ARHGEF7: variants seen among roughly 807,000 people sequenced by gnomAD.
ARHGEF7 encodes the protein PAK-interacting exchange factor beta.
A neutral mutation model predicts 109.8 loss-of-function variants in ARHGEF7; 33 were observed. That is an observed-to-expected ratio of 0.30 (90% CI 0.23 to 0.40). The LOEUF (loss-of-function observed/expected upper bound fraction) is 0.40, where lower values mean the gene tolerates loss of function less well. Among genes scored for constraint, ARHGEF7 ranks in the 10% least tolerant of loss-of-function variants. The probability of loss-of-function intolerance (pLI) is 1.00; values close to 1 mark genes in which losing one functional copy is unlikely to be tolerated. For missense variants in ARHGEF7, 938 were observed against 1,098.5 expected, an observed-to-expected ratio of 0.85 and a Z score of 2.07; for synonymous variants, 458 against 424.6, an observed-to-expected ratio of 1.08 and a Z score of -0.97.
chr13:111,291,354 T>G (rs1308019713), intron 18 of ARHGEF7, among the ~76,000 whole-genome samples: 1 of 152,278 alleles, frequency 6.6e-6, no homozygotes, highest in African/African-American at 2.4e-5. Flanking sequence ...ACGTTGCCAG[T>G]TCATGTCTCT....
rs1329752638 is a variant in ARHGEF7, at chr13:111,192,539, G to T, written c.253-12750G>T. On this transcript the variant is annotated intron_variant, in intron 2 of 21. Coordinates refer to ENST00000646102, the MANE Select transcript of ARHGEF7 (RefSeq NM_001354046.2). Reference sequence around the variant, plus strand: ...TTTCATATGGACTGAGCCCCATTTTGTGAGGAGAATTTTGGATTCTCAACA... The same window carrying T: ...TTTCATATGGACTGAGCCCCATTTTTTGAGGAGAATTTTGGATTCTCAACA... Among the ~76,000 whole-genome samples, 4 of 152,212 alleles carry T rather than the reference G, an allele frequency of 2.6e-5. No homozygotes were observed. In the East Asian group the frequency reaches 5.8e-4, roughly 22 times the overall value.
intron 5 of ARHGEF7, 92 bp downstream of exon 5, chr13:111,217,972 C>T: frequency 7.8e-7 from 1 of 1,286,950 alleles, no homozygotes; most frequent in Non-Finnish European, 1.1e-6. Flanking sequence ...CCAGCTGGAC[C>T]TGTGCAAATG....
At chr13:111,233,171 T>C (rs751147428) in intron 5 of ARHGEF7, 34 bp from the exon 6 acceptor site, 96 of 1,558,292 alleles carry the variant, frequency 6.2e-5, no homozygotes, top group Non-Finnish European at 8.4e-5. Context: ...TCTTTAGTAC[T>C]GATCAGTAAA....
chr13:111,294,104 G>A (rs138368063), intron 19 of ARHGEF7: 1 of 985,440 alleles, frequency 1.0e-6, no homozygotes, highest in East Asian at 1.1e-4. Flanking sequence ...AGCAGTCAGA[G>A]CCCAGTGTTA....
At chr13:111,155,914 TAAAC>T (rs202165622) in intron 2 of ARHGEF7, among the ~76,000 whole-genome samples, 6,092 of 151,862 alleles carry the variant, frequency 0.04, 145 homozygotes, top group African/African-American at 0.047. Context: ...TGTCTATACT[TAAAC>T]AAACCCAAAA....
intron 5 of ARHGEF7, among the ~76,000 whole-genome samples, chr13:111,221,456 G>GATATATAGACATCTATATATATAGAT (rs2084176801): frequency 1.4e-5 from 1 of 71,566 alleles, no homozygotes; most frequent in African/African-American, 6.2e-5. Flanking sequence ...TATATATATA[G>GATATATAGACATCTATATATATAGAT]ATATATAGAC....
At chr13:111,133,813 A>ATATAAG (rs1795612511) in intron 1 of ARHGEF7, among the ~76,000 whole-genome samples, 2 of 69,966 alleles carry the variant, frequency 2.9e-5, no homozygotes, top group South Asian at 1.1e-3. Flanking sequence ...ATATATATAT[A>ATATAAG]TTTATTATAC....
chr13:111,274,814 T>C lies in ARHGEF7; in HGVS notation c.1272+24T>C, dbSNP rs190503826. ...CAGTAAGTGATTAAGCATATTGTTT[T>C]CCCCCCCAGACATTATTGTGACAAA... On this transcript the variant is annotated intron_variant, in intron 11 of 21. Transcript: ENST00000646102. The C allele has an allele frequency of 1.2e-3, 1,714 of 1,377,532 alleles. 12 individuals carry two copies. The African/African-American group carries it at 0.018, about 15-fold the overall frequency. 85.3% of individuals were successfully genotyped at this position (1,377,532 alleles called of 1,614,324 possible).
At position 111,292,156 on chromosome 13, in the gene ARHGEF7, G is replaced by A. The variant is rs1418767948; in HGVS notation, c.2173G>A (p.Ala725Thr). 1 of 1,613,288 alleles carries A rather than the reference G, an allele frequency of 6.2e-7. No homozygotes were observed. Among genetic ancestry groups the A allele is most frequent in the African/African-American group, 1.3e-5 (1 of 74,870 alleles). Reference protein sequence around the residue: ...GTDLMHNHVLADDDQPSLDSL... With the variant: ...GTDLMHNHVLTDDDQPSLDSL... The stretch of plus-strand genomic sequence containing the variant: ...TGACCTGATGCATAATCACGTCTTG[G>A]CTGATGATGACCAACCAAGCCTAGA... Residue 725 changes from alanine to threonine, a missense_variant, in exon 19 of 22, where the codon GCT becomes ACT. Physicochemically the swap from Ala to Thr is moderately conservative, Grantham distance 58. This residue lies in a region of ARHGEF7 where 22 missense variants were observed against 81.9 expected (regional missense o/e 0.27). Transcript: ENST00000646102.
intron 18 of ARHGEF7, among the ~76,000 whole-genome samples, chr13:111,290,106 T>C (rs1363857117): frequency 6.6e-6 from 1 of 152,252 alleles, no homozygotes; most frequent in Non-Finnish European, 1.5e-5. Context: ...GGCTGTAAAA[T>C]GTGGCCATAA....
intron 9 of ARHGEF7, among the ~76,000 whole-genome samples, chr13:111,269,633 C>T (rs141055340): frequency 3.2e-4 from 49 of 152,280 alleles, no homozygotes; most frequent in African/African-American, 1.1e-3. Context: ...CTCGGGACAG[C>T]AGCCCCGGGG....
At chr13:111,288,566 G>A (rs1297532955) in intron 18 of ARHGEF7, 123 bp downstream of exon 18, 6 of 565,966 alleles carry the variant, frequency 1.1e-5, no homozygotes, top group African/African-American at 7.5e-5. Flanking sequence ...CTCCCAGTGA[G>A]TGATGTTTCA....
At chr13:111,133,129 A>T (rs991145135) in intron 1 of ARHGEF7, among the ~76,000 whole-genome samples, 1 of 152,022 alleles carries the variant, frequency 6.6e-6, no homozygotes, top group African/African-American at 2.4e-5. Flanking sequence ...ACATTTATAC[A>T]CGTGCATATG....
chr13:111,172,345 A>T (rs1043837353), intron 2 of ARHGEF7, among the ~76,000 whole-genome samples: 12 of 152,186 alleles, frequency 7.9e-5, no homozygotes, highest in African/African-American at 2.9e-4. Flanking sequence ...TCACTGAATC[A>T]GTGCTCTAGG....
chr13:111,175,828 C>T (rs1330659322), intron 2 of ARHGEF7, among the ~76,000 whole-genome samples: 2 of 152,190 alleles, frequency 1.3e-5, no homozygotes, highest in Admixed American at 1.3e-4. Flanking sequence ...GTTTAATTTA[C>T]TCACAGTTAA....
intron 1 of ARHGEF7, among the ~76,000 whole-genome samples, chr13:111,143,186 C>A (rs1330682708): frequency 1.3e-5 from 2 of 152,194 alleles, no homozygotes; most frequent in East Asian, 3.8e-4. Context: ...GTGCCTTGGT[C>A]AAGAATAGGA....
chr13:111,168,140 GTC>G (rs2077279698), intron 2 of ARHGEF7, among the ~76,000 whole-genome samples: 1 of 152,108 alleles, frequency 6.6e-6, no homozygotes, highest in African/African-American at 2.4e-5. Context: ...TTCCTCTCTC[GTC>G]CAGGTCATAG....
At chr13:111,230,012 C>T (rs2085819582) in intron 5 of ARHGEF7, among the ~76,000 whole-genome samples, 1 of 152,192 alleles carries the variant, frequency 6.6e-6, no homozygotes, top group Admixed American at 6.5e-5. Flanking sequence ...CTGTTTTCTT[C>T]CTGCGTTGGG....
intron 8 of ARHGEF7, among the ~76,000 whole-genome samples, chr13:111,253,699 G>A (rs914058098): frequency 2.6e-5 from 4 of 152,188 alleles, no homozygotes; most frequent in African/African-American, 7.2e-5. Flanking sequence ...CACTAAGCTT[G>A]TTGTGTGTAA....
Sources: gnomAD v4.1 joint callset for allele counts (sites outside exome capture counted in the v4.1 genomes callset) on GRCh38, gnomAD v4.1.1 for gene constraint, gnomAD v4.1.1 regional missense constraint, MANE v1.5 for transcripts, NCBI Gene and HGNC (gene_info 2026-07-23, HGNC 2026-07-21) for gene names.